The following ADTRP variants were observed in gnomAD, a reference collection of about 807,000 sequenced individuals.
ADTRP encodes androgen dependent TFPI regulating protein.
Under a neutral mutation model 27.0 loss-of-function variants are expected in ADTRP, and 20 were observed. The observed-to-expected ratio is 0.74, with a 90% CI of 0.52 to 1.08. The LOEUF (loss-of-function observed/expected upper bound fraction) is 1.08. Among genes scored for constraint, ADTRP ranks in the 50% least tolerant of loss-of-function variants. ADTRP has a pLI of 0.00. For synonymous variants in ADTRP, 101 were observed against 105.2 expected (o/e 0.96, Z 0.25); for missense variants, 251 against 275.0 (o/e 0.91, Z 0.62).
chr6:11,766,141 C>T, intron 3 of ADTRP, 133 bp downstream of exon 3: 1 of 614,234 alleles, frequency 1.6e-6, no homozygotes, highest in Non-Finnish European at 2.8e-6. Flanking sequence ...TCAATATGCC[C>T]TTTAAATAAA....
intron 3 of ADTRP, among the ~76,000 whole-genome samples, chr6:11,751,983 T>C (rs1763069768): frequency 6.6e-6 from 1 of 152,224 alleles, no homozygotes; most frequent in African/African-American, 2.4e-5. Context: ...CTTTTCTGTC[T>C]AAGGTTTCTG....
At chr6:11,732,710 AC>A (rs1248819479) in intron 4 of ADTRP, among the ~76,000 whole-genome samples, 5 of 152,198 alleles carry the variant, frequency 3.3e-5, no homozygotes, top group Admixed American at 3.3e-4. Flanking sequence ...TCAGCTCCCC[AC>A]TGGGCACTGG....
At chr6:11,723,829 G>C (rs1173099668) in intron 4 of ADTRP, among the ~76,000 whole-genome samples, 2 of 151,868 alleles carry the variant, frequency 1.3e-5, no homozygotes, top group Admixed American at 6.6e-5. Flanking sequence ...GAGGCTGAGG[G>C]GGGTGGATCA....
At chr6:11,766,396 A>C (rs1763574907) in intron 2 of ADTRP, 21 bp from the exon 3 acceptor site, 1 of 1,566,954 alleles carries the variant, frequency 6.4e-7, no homozygotes, top group African/African-American at 1.4e-5. Flanking sequence ...AAACACAAAA[A>C]ATAGCATCAT....
chr6:11,766,357 A>G lies in ADTRP; in HGVS notation c.307T>C (p.Trp103Arg), dbSNP rs1208479282. The change falls in exon 3 of 6, where the codon TGG (tryptophan) becomes CGG (arginine). Residue 103 changes from tryptophan (W) to arginine (R), a missense_variant. Transcript: ENST00000414691. ...TCTCGATTGTAGAGAAAGAGGATCC[A>G]GAATGCCAAAAATACAAACTGGAAA... The part of the protein sequence containing the change: ...PVSTFVFLAF[W>R]ILFLYNRDLI... 6.2e-7 allele frequency: 1 copy of G among 1,612,322 alleles called. No homozygotes were observed.
chr6:11,761,839 A>G (rs1734344249), intron 3 of ADTRP, among the ~76,000 whole-genome samples: 1 of 152,208 alleles, frequency 6.6e-6, no homozygotes, highest in African/African-American at 2.4e-5. Context: ...TTTCAGGTTC[A>G]CAGAGGAGCC....
rs1458620037 is a variant in ADTRP, at chr6:11,713,763, C to T, written c.*715G>A. The T allele has an allele frequency of 1.3e-5, 2 of 152,180 alleles. No homozygotes were observed. Among genetic ancestry groups the T allele is most frequent in the Non-Finnish European group, 1.5e-5 (1 of 68,056 alleles). 9.4% of individuals were successfully genotyped at this position (152,180 alleles called of 1,614,324 possible). On this transcript the variant is annotated 3_prime_UTR_variant, in exon 6 of 6. Transcript: ENST00000414691. ...ACTATGTTTGATGTTTATACCTGCCCTGAATGCTTGCTCAGAAGAGAAACA... is the reference window on the plus strand; with the variant it reads ...ACTATGTTTGATGTTTATACCTGCCTTGAATGCTTGCTCAGAAGAGAAACA...
rs1288155474 is a variant in ADTRP, at chr6:11,713,779, A to G, written c.*699T>C. 6.6e-6 allele frequency: 1 copy of G among 152,230 alleles called. No individual in the cohort carries two copies. The highest frequency in any genetic ancestry group is 1.9e-4 in the East Asian group (1 of 5,202). The allele number at this position is 152,230 out of a possible 1,614,324, so 9.4% of individuals were successfully genotyped here. ...ATACCTGCCCTGAATGCTTGCTCAG[A>G]AGAGAAACAGATTTCCCAGTATTTT... On this transcript the variant is annotated 3_prime_UTR_variant, in exon 6 of 6. Coordinates refer to ENST00000414691, the MANE Select transcript of ADTRP (RefSeq NM_032744.4).
rs533546891 is a variant in ADTRP, at chr6:11,744,788, A to G, written c.391-9105T>C. Reference sequence around the variant, plus strand: ...TGGAGGAAGGAGATTGTTCTTTTAAAGAAAGAGGAAGTTTAGGAAGCATGG... The same window carrying G: ...TGGAGGAAGGAGATTGTTCTTTTAAGGAAAGAGGAAGTTTAGGAAGCATGG... On this transcript the variant is annotated intron_variant, in intron 3 of 5. Transcript: ENST00000414691. Among the ~76,000 whole-genome samples the G allele has an allele frequency of 9.8e-5, 15 of 152,302 alleles. 1 individual carries two copies. Among genetic ancestry groups the G allele is most frequent in the African/African-American group, 3.1e-4 (13 of 41,558 alleles).
chr6:11,733,430 C>G (rs996026860), intron 4 of ADTRP, among the ~76,000 whole-genome samples: 1 of 151,300 alleles, frequency 6.6e-6, no homozygotes, highest in African/African-American at 2.4e-5. Context: ...TCCTCCAGCC[C>G]TTTGCAGATG....
chr6:11,762,318 C>T (rs538603327), intron 3 of ADTRP, among the ~76,000 whole-genome samples: 1 of 152,194 alleles, frequency 6.6e-6, no homozygotes, highest in African/African-American at 2.4e-5. Context: ...ACCAGTATGC[C>T]ACTGCCTTGT....
chr6:11,750,846 T>C (rs1430321440), intron 3 of ADTRP, among the ~76,000 whole-genome samples: 1 of 152,210 alleles, frequency 6.6e-6, no homozygotes, highest in Non-Finnish European at 1.5e-5. Context: ...CTATGTTATT[T>C]AATCTATTTA....
At chr6:11,734,780 A>G (rs2113900153) in intron 4 of ADTRP, among the ~76,000 whole-genome samples, 1 of 152,206 alleles carries the variant, frequency 6.6e-6, no homozygotes, top group East Asian at 1.9e-4. Flanking sequence ...GCATATAGGG[A>G]TCGGAGGGTT....
chr6:11,767,110 G>A (rs1341949362), intron 2 of ADTRP, among the ~76,000 whole-genome samples: 1 of 152,232 alleles, frequency 6.6e-6, no homozygotes, highest in African/African-American at 2.4e-5. Flanking sequence ...GGTGGCTCAT[G>A]CCTGTAATCC....
chr6:11,759,589 G>A (rs1344325246), intron 3 of ADTRP, among the ~76,000 whole-genome samples: 1 of 152,110 alleles, frequency 6.6e-6, no homozygotes, highest in Non-Finnish European at 1.5e-5. Flanking sequence ...CAAAACTGGG[G>A]TGAAAAGGGT....
intron 2 of ADTRP, chr6:11,767,824 T>C (rs1763624760): frequency 6.5e-6 from 1 of 154,788 alleles, no homozygotes; most frequent in Non-Finnish European, 1.4e-5. Context: ...AAAAAATTAT[T>C]TGATGGTTTT....
intron 2 of ADTRP, 124 bp from the exon 3 acceptor site, chr6:11,766,499 A>G: frequency 1.6e-6 from 1 of 606,770 alleles, no homozygotes; most frequent in Non-Finnish European, 2.8e-6. Context: ...TTACATATAC[A>G]TTATAGGAAT....
chr6:11,753,167 G>C (rs1268019067), intron 3 of ADTRP, among the ~76,000 whole-genome samples: 3 of 152,130 alleles, frequency 2.0e-5, no homozygotes, highest in Non-Finnish European at 4.4e-5. Flanking sequence ...TTTACAACTT[G>C]GACATAGAGC....
chr6:11,761,327 G>A (rs1259406629), intron 3 of ADTRP, among the ~76,000 whole-genome samples: 1 of 152,082 alleles, frequency 6.6e-6, no homozygotes, highest in African/African-American at 2.4e-5. Context: ...TTCCCCACTG[G>A]GATGTGTGTA....
Sources: gnomAD v4.1 joint callset for allele counts (sites outside exome capture counted in the v4.1 genomes callset) on GRCh38, gnomAD v4.1.1 for gene constraint, MANE v1.5 for transcripts, NCBI Gene and HGNC (gene_info 2026-07-23, HGNC 2026-07-21) for gene names.